Variants in MYO1F observed in about 807,000 individuals in gnomAD.
MYO1F encodes unconventional myosin-If.
Under a neutral mutation model 146.6 loss-of-function variants are expected in MYO1F, and 60 were observed. The ratio of observed to expected loss-of-function variants is 0.41; its 90% CI spans 0.33 to 0.51. The LOEUF is 0.51. Among genes scored for constraint, MYO1F ranks in the 20% least tolerant of loss-of-function variants. MYO1F has a pLI of 0.25. For missense variants in MYO1F, 1,274 were observed against 1,534.3 expected, an observed-to-expected ratio of 0.83 and a Z score of 2.83; for synonymous variants, 602 against 602.1, an observed-to-expected ratio of 1.00 and a Z score of 0.00.
chr19:8,566,269 G>A (rs961140821), intron 1 of MYO1F, among the ~76,000 whole-genome samples: 1 of 141,562 alleles, frequency 7.1e-6, no homozygotes, highest in Non-Finnish European at 1.5e-5. Flanking sequence ...CCGGGTTCAC[G>A]CCATTCTCCT....
Position 8,521,302 on chromosome 19 carries a change from A to G in MYO1F, c.*226T>C. 2 of 588,898 alleles carry G rather than the reference A, an allele frequency of 3.4e-6. No individual in the cohort carries two copies. The highest frequency in any genetic ancestry group is 6.1e-6 in the Non-Finnish European group (2 of 327,028). The allele number at this position is 588,898 out of a possible 1,614,324, so 36.5% of individuals were successfully genotyped here. A position where few individuals can be genotyped will look rare whatever the true frequency, so the allele number is the denominator to read the frequency against. ...TCCCCTTTGACACACACAGAAATGG[A>G]GAATGGGCAGCAGGTGTGATGTTGG... On this transcript the variant is annotated 3_prime_UTR_variant, in exon 28 of 28. Transcript: ENST00000644032.
intron 25 of MYO1F, among the ~76,000 whole-genome samples, chr19:8,523,097 T>C (rs1972127330): frequency 6.6e-6 from 1 of 151,680 alleles, no homozygotes; most frequent in South Asian, 2.1e-4. Context: ...AGTGGCGCGA[T>C]CTCGGCTCAC....
At chr19:8,526,977 A>AGG in intron 22 of MYO1F, 42 bp from the exon 23 acceptor site, 1 of 1,609,416 alleles carries the variant, frequency 6.2e-7, no homozygotes, top group Non-Finnish European at 8.5e-7. Context: ...GACACAGGTG[A>AGG]GGGCGACAGG....
At chr19:8,553,091 G>C (rs937632498) in intron 6 of MYO1F, 48 bp downstream of exon 6, 1 of 1,558,254 alleles carries the variant, frequency 6.4e-7, no homozygotes, top group African/African-American at 1.4e-5. Context: ...GTGTAGAAAG[G>C]TCAGCACGGA....
intron 19 of MYO1F, among the ~76,000 whole-genome samples, chr19:8,534,247 G>A (rs1015248918): frequency 1.3e-5 from 2 of 151,132 alleles, no homozygotes; most frequent in Non-Finnish European, 2.9e-5. Flanking sequence ...ACTCCATTAA[G>A]CTAATTTAAT....
At chr19:8,570,515 C>T (rs982116147) in intron 1 of MYO1F, among the ~76,000 whole-genome samples, 6 of 151,358 alleles carry the variant, frequency 4.0e-5, no homozygotes, top group South Asian at 2.1e-4. Flanking sequence ...TACAGGTGCA[C>T]GCCACCACAC....
At chr19:8,543,753 GTGGTGGTGGTGGTGC>G (rs1973127491) in intron 14 of MYO1F, among the ~76,000 whole-genome samples, 1 of 9,758 alleles carries the variant, frequency 1.0e-4, no homozygotes, top group African/African-American at 5.8e-4. Context: ...GCTGGTGGTG[GTGGTGGTGGTGGTGC>G]TGGTGGTGCT....
intron 19 of MYO1F, among the ~76,000 whole-genome samples, chr19:8,534,716 C>A (rs1295945068): frequency 2.0e-5 from 3 of 151,830 alleles, no homozygotes; most frequent in African/African-American, 7.3e-5. Flanking sequence ...ACCTCTGCCT[C>A]CTGGGTTTGA....
In MYO1F at chr19:8,554,637, C is replaced by T. The variant is rs766516802; in HGVS notation, c.231+17G>A. 6 of 1,613,592 alleles carry T rather than the reference C, an allele frequency of 3.7e-6. No homozygotes were observed. The African/African-American group carries it at 6.7e-5, about 18-fold the overall frequency. On this transcript the variant is annotated intron_variant, in intron 3 of 27. Coordinates refer to ENST00000644032, the MANE Select transcript of MYO1F (RefSeq NM_012335.4). ...AGGAGTCTGGGGGCTGTGCCTCCCA[C>T]CCAGCCCCAGCCTCACCGCGCCCTG...
intron 14 of MYO1F, among the ~76,000 whole-genome samples, chr19:8,543,801 CTGGTGG>C (rs1568349238): frequency 9.1e-5 from 1 of 10,954 alleles, no homozygotes; most frequent in Non-Finnish European, 1.7e-4. Flanking sequence ...GGTGGTGGTG[CTGGTGG>C]TGCTGGTGGT....
At chr19:8,556,477 A>G (rs1056336782) in intron 1 of MYO1F, among the ~76,000 whole-genome samples, 21 of 139,794 alleles carry the variant, frequency 1.5e-4, no homozygotes, top group Non-Finnish European at 3.0e-4. Context: ...CCCCGTCTCT[A>G]TAAAAAAAGA....
At chr19:8,550,498 C>T (rs1225725931) in intron 9 of MYO1F, 64 bp downstream of exon 9, 1 of 1,613,440 alleles carries the variant, frequency 6.2e-7, no homozygotes, top group Non-Finnish European at 8.5e-7. Flanking sequence ...GGGGGCTGAG[C>T]TAGGAGGACG....
In MYO1F at chr19:8,525,924, T is replaced by C. The variant is rs574631560; in HGVS notation, c.2771-362A>G. ...ACCCGCCCCTTCCTTGCTGTTGCCC[T>C]CTCTGGTCCAGCCTGCTGGCCCCGC... On this transcript the variant is annotated intron_variant, in intron 24 of 27. Transcript: ENST00000644032. 2.6e-5 allele frequency among the ~76,000 whole-genome samples: 4 copies of C among 152,160 alleles called. No individual in the cohort carries two copies. The East Asian group carries it at 7.8e-4, about 30-fold the overall frequency.
intron 4 of MYO1F, 80 bp from the exon 5 acceptor site, chr19:8,553,517 C>G: frequency 3.5e-6 from 4 of 1,140,086 alleles, no homozygotes; most frequent in Non-Finnish European, 5.3e-6. Context: ...TCATTGAGCA[C>G]CTACTGTGTG....
intron 1 of MYO1F, among the ~76,000 whole-genome samples, chr19:8,572,454 G>A (rs944045834): frequency 1.2e-4 from 19 of 152,038 alleles, no homozygotes; most frequent in African/African-American, 4.6e-4. Context: ...TTTTAGTAGA[G>A]ATGGGGTTTC....
chr19:8,569,510 G>A (rs981142242), intron 1 of MYO1F, among the ~76,000 whole-genome samples: 20 of 152,020 alleles, frequency 1.3e-4, no homozygotes, highest in African/African-American at 4.6e-4. Context: ...GGGGATGTGT[G>A]CCATGGAGGG....
chr19:8,544,046 GGT>G, intron 14 of MYO1F: 1 of 573,996 alleles, frequency 1.7e-6, no homozygotes. Flanking sequence ...CGGTGCTGGT[GGT>G]GGTGGTGGTG....
At chr19:8,527,014 A>C in intron 22 of MYO1F, 79 bp from the exon 23 acceptor site, 1 of 1,569,684 alleles carries the variant, frequency 6.4e-7, no homozygotes, top group Non-Finnish European at 8.7e-7. Flanking sequence ...AGGTGGCTGA[A>C]GGTGGATTTA....
Position 8,539,944 on chromosome 19 carries a change from C to A in MYO1F, c.1692+3G>T, listed in dbSNP as rs760285214. On this transcript the variant is annotated splice_donor_region_variant and intron_variant, in intron 16 of 27. Transcript: ENST00000644032. Reference sequence around the variant, plus strand: ...AGCTCCCCGTTGTACACCCCAGGCCCACCTTGATCTTGGAGCCGGCGGTGC... The same window carrying A: ...AGCTCCCCGTTGTACACCCCAGGCCAACCTTGATCTTGGAGCCGGCGGTGC... The A allele has an allele frequency of 5.6e-6, 9 of 1,612,702 alleles. No individual in the cohort carries two copies. The East Asian group carries it at 2.0e-4, about 36-fold the overall frequency.
Sources: allele counts gnomAD v4.1 joint callset (sites outside exome capture counted in the v4.1 genomes callset), GRCh38; gene constraint gnomAD v4.1.1; transcripts MANE v1.5; gene names NCBI Gene and HGNC (gene_info 2026-07-23, HGNC 2026-07-21).